The following SH2B1 variants were observed in gnomAD, a reference collection of about 807,000 sequenced individuals.
SH2B1 encodes the protein SH2B adapter protein 1.
Under a neutral mutation model 62.6 loss-of-function variants are expected in SH2B1, and 15 were observed. The observed-to-expected ratio is 0.24, with a 90% CI of 0.16 to 0.37. The LOEUF (loss-of-function observed/expected upper bound fraction) is 0.37. SH2B1 is among the 10% of genes least tolerant of loss of function. The pLI, the probability that SH2B1 is intolerant of heterozygous loss-of-function variation, is 1.00. For missense variants in SH2B1, 925 were observed against 1,015.6 expected (o/e 0.91, Z 1.21); for synonymous variants, 443 against 438.0 (o/e 1.01, Z -0.14).
intron 3 of SH2B1, 54 bp downstream of exon 3, chr16:28,869,151 C>G (rs930190995): frequency 2.4e-4 from 390 of 1,613,396 alleles, no homozygotes; most frequent in Middle Eastern, 4.9e-4. Flanking sequence ...TGGGGAGCAG[C>G]CTTGCGCCTC....
At chr16:28,868,170 C>T (rs909750691) in intron 2 of SH2B1, among the ~76,000 whole-genome samples, 9 of 143,330 alleles carry the variant, frequency 6.3e-5, no homozygotes, top group Non-Finnish European at 7.6e-5. Flanking sequence ...GACAGAGTCT[C>T]GCTCTGTCGC....
rs929158757 is a variant in SH2B1, at chr16:28,865,579, G to A, written c.-516G>A. ...GAGTTCTGAAACTTTTCTGAGCTTC[G>A]GTTTCCTCATCTGTTCGAGAGGTCT... On this transcript the variant is annotated 5_prime_UTR_variant, in exon 1 of 8. Coordinates refer to ENST00000684370, the MANE Select transcript of SH2B1 (RefSeq NM_001387430.1). 3.6e-5 allele frequency: 35 copies of A among 985,652 alleles called. No homozygotes were observed. The highest frequency in any genetic ancestry group is 1.1e-4 in the East Asian group (1 of 8,900). The allele number at this position is 985,652 out of a possible 1,614,324, so 61.1% of individuals were successfully genotyped here.
chr16:28,858,385 T>C (rs540005849), intron 1 of SH2B1, among the ~76,000 whole-genome samples: 182 of 152,236 alleles, frequency 1.2e-3, no homozygotes, highest in Non-Finnish European at 2.2e-3. Context: ...TGGTGGCCCA[T>C]GCCTGCAATC....
intron 1 of SH2B1, among the ~76,000 whole-genome samples, chr16:28,855,724 C>T (rs1346092616): frequency 6.6e-6 from 1 of 151,060 alleles, no homozygotes; most frequent in East Asian, 2.0e-4. Context: ...ACTGCAAGCT[C>T]CGTCTCCTGG....
chr16:28,854,497 T>C (rs551082896), intron 1 of SH2B1, among the ~76,000 whole-genome samples: 1 of 152,090 alleles, frequency 6.6e-6, no homozygotes, highest in Admixed American at 6.6e-5. Context: ...CATGCCTGTA[T>C]GTAATCCCAG....
Position 28,865,660 on chromosome 16 carries a change from A to T in SH2B1, c.-435A>T. On this transcript the variant is annotated 5_prime_UTR_variant, in exon 1 of 8. The change abolishes an upstream ATG in the 5' untranslated region. Coordinates refer to ENST00000684370, the MANE Select transcript of SH2B1 (RefSeq NM_001387430.1). The stretch of plus-strand genomic sequence containing the variant: ...CAAGTGGGAGCCTCTAGAATGGCTC[A>T]TGGGAAGTGTGACATGAATATTGGA... 2 of 994,258 alleles carry T rather than the reference A, an allele frequency of 2.0e-6. No individual in the cohort carries two copies. The highest frequency in any genetic ancestry group is 2.4e-6 in the Non-Finnish European group (2 of 836,366). 61.6% of individuals were successfully genotyped at this position (994,258 alleles called of 1,614,324 possible). A position where few individuals can be genotyped will look rare whatever the true frequency, so the allele number is the denominator to read the frequency against.
At position 28,866,469 on chromosome 16, in the gene SH2B1, A is replaced by G. The variant is rs143095244; in HGVS notation, c.375A>G (p.Ser125=). ...GPLAVLGPSR[S]SEDLAGPLPS... ...TGGCTGTGCTGGGCCCTTCTCGATC[A>G]TCTGAGGACCTGGCCGGCCCCCTCC... Residue 125 remains serine (S), a synonymous_variant, in exon 1 of 8, where the codon TCA becomes TCG. Transcript: ENST00000684370. This position sits in a 1 kb window ranked among gnomAD's most constrained non-coding sequence, Gnocchi z 6.3. 6.6e-5 allele frequency: 106 copies of G among 1,613,768 alleles called. No individual in the cohort carries two copies. The African/African-American group carries it at 1.4e-3, about 21-fold the overall frequency.
In SH2B1 at chr16:28,865,870, G is replaced by A; in HGVS notation, c.-225G>A. On this transcript the variant is annotated 5_prime_UTR_variant, in exon 1 of 8. Coordinates refer to ENST00000684370, the MANE Select transcript of SH2B1 (RefSeq NM_001387430.1). ...GCAGGGTGCCAGGATCTGGGAGAGG[G>A]AAGGGAGGTGTTGGGCTCCCTTCCC... is the stretch of plus-strand genomic sequence containing the variant. 1 of 1,331,820 alleles carries A rather than the reference G, an allele frequency of 7.5e-7. No homozygotes were observed. The highest frequency in any genetic ancestry group is 9.6e-7 in the Non-Finnish European group (1 of 1,045,366). 82.5% of individuals were successfully genotyped at this position (1,331,820 alleles called of 1,614,324 possible).
intron 1 of SH2B1, among the ~76,000 whole-genome samples, chr16:28,853,646 C>T (rs1008477857): frequency 6.6e-5 from 10 of 151,278 alleles, no homozygotes; most frequent in African/African-American, 2.4e-4. Flanking sequence ...TGAACCATCA[C>T]GCCCAGCCCC....
At chr16:28,851,088 C>T (rs1410587555) in intron 1 of SH2B1, among the ~76,000 whole-genome samples, 6 of 149,414 alleles carry the variant, frequency 4.0e-5, no homozygotes, top group African/African-American at 1.2e-4. Context: ...GTGGGAGACT[C>T]GCTCGAACCT....
intron 1 of SH2B1, among the ~76,000 whole-genome samples, chr16:28,852,826 A>ATAATT (rs1386451041): frequency 1.2e-4 from 5 of 40,576 alleles, no homozygotes; most frequent in African/African-American, 6.8e-4. Flanking sequence ...TTACATATAT[A>ATAATT]TTTATATATA....
Position 28,866,617 on chromosome 16 carries a change from A to T in SH2B1, c.523A>T (p.Thr175Ser), listed in dbSNP as rs181294111. ...SVRGILQWRGTVDPPSSAGPL... is the reference protein window; with the variant it reads ...SVRGILQWRGSVDPPSSAGPL... ...CCGTGGCATCCTGCAGTGGCGGGGGACCGTTGACCCTCCCTCCTCCGCTGG... is the reference window on the plus strand; with the variant it reads ...CCGTGGCATCCTGCAGTGGCGGGGGTCCGTTGACCCTCCCTCCTCCGCTGG... Residue 175 changes from threonine (T) to serine (S), a missense_variant, in exon 1 of 8, where the codon ACC (threonine) becomes TCC (serine). Transcript: ENST00000684370. The surrounding 1 kb of genome is among the most constrained non-coding windows in gnomAD (Gnocchi z 6.3). 1 of 1,609,162 alleles carries T rather than the reference A, an allele frequency of 6.2e-7. No individual in the cohort carries two copies. The highest frequency in any genetic ancestry group is 1.1e-5 in the South Asian group (1 of 90,790).
chr16:28,852,373 T>TACA lies in SH2B1; in HGVS notation c.-301+5546_-301+5547insACA, dbSNP rs1596609733. ...ATATTTATATATATATTTATATATATTTACATATATTTATATATATACATA... is the reference window on the plus strand; with the variant it reads ...ATATTTATATATATATTTATATATATACATTACATATATTTATATATATACATA... On this transcript the variant is annotated intron_variant, in intron 1 of 10. Coordinates refer to the SH2B1 transcript ENST00000322610. 6.0e-5 allele frequency among the ~76,000 whole-genome samples: 5 copies of TACA among 83,828 alleles called. 1 individual carries two copies. The highest frequency in any genetic ancestry group is 3.1e-4 in the African/African-American group (5 of 16,176). The allele number at this position is 83,828 out of a possible 152,430, so 55.0% of individuals were successfully genotyped here.
chr16:28,866,143 C>G lies in SH2B1; in HGVS notation c.49C>G (p.Pro17Ala), dbSNP rs1962673620. 6.4e-7 allele frequency: 1 copy of G among 1,553,224 alleles called. No individual in the cohort carries two copies. Among genetic ancestry groups the G allele is most frequent in the Non-Finnish European group, 8.7e-7 (1 of 1,150,894 alleles). Residue 17 changes from proline to alanine, a missense_variant, in exon 1 of 8, where the codon CCG becomes GCG. Transcript: ENST00000684370. This position sits in a 1 kb window ranked among gnomAD's most constrained non-coding sequence, Gnocchi z 6.3. ...GGACGGGGCCTCCCCCTCGTCTCCC[C>G]CGCTGCCCCCACCCCCGCCCCCTAG... ...PEDGASPSSP[P>A]LPPPPPPSWR...
rs1193445773 is a variant in SH2B1 at position 28,865,699 on chromosome 16, A to G, written c.-396A>G. The G allele has an allele frequency of 4.0e-6, 4 of 1,012,370 alleles. No individual in the cohort carries two copies. The highest frequency in any genetic ancestry group is 4.7e-6 in the Non-Finnish European group (4 of 848,544). The allele number at this position is 1,012,370 out of a possible 1,614,324, so 62.7% of individuals were successfully genotyped here. A position where few individuals can be genotyped will look rare whatever the true frequency, so the allele number is the denominator to read the frequency against. On this transcript the variant is annotated 5_prime_UTR_variant, in exon 1 of 8. Transcript: ENST00000684370. Reference sequence around the variant, plus strand: ...ATGAATATTGGAGGATCCGATGTAGAGGGGGGGTGATCTGGAAAAGTTCCC... The same window carrying G: ...ATGAATATTGGAGGATCCGATGTAGGGGGGGGGTGATCTGGAAAAGTTCCC...
chr16:28,873,172 C>CGGGAGCAGGCT lies in SH2B1; in HGVS notation c.1898-268_1898-258dup. On this transcript the variant is annotated intron_variant, in intron 7 of 7. Transcript: ENST00000684370. This position sits in a 1 kb window ranked among gnomAD's most constrained non-coding sequence, Gnocchi z 4.2. ...CCCCACGTTGCCCCTCCCCCCAGGC[C>CGGGAGCAGGCT]GGGAGCAGGCTGGGAGCCATGCGGG... The CGGGAGCAGGCT allele has an allele frequency of 6.4e-7, 1 of 1,562,940 alleles. No homozygotes were observed. The highest frequency in any genetic ancestry group is 8.6e-7 in the Non-Finnish European group (1 of 1,162,162).
In SH2B1 at chr16:28,865,716, A is replaced by G; in HGVS notation, c.-379A>G. ...CGATGTAGAGGGGGGGTGATCTGGA[A>G]AAGTTCCCTTTTTTAGGGGGAAGGT... is the stretch of plus-strand genomic sequence containing the variant. On this transcript the variant is annotated 5_prime_UTR_variant, in exon 1 of 8. Coordinates refer to ENST00000684370, the MANE Select transcript of SH2B1 (RefSeq NM_001387430.1). 1 of 1,023,330 alleles carries G rather than the reference A, an allele frequency of 9.8e-7. No individual in the cohort carries two copies. The highest frequency in any genetic ancestry group is 1.2e-6 in the Non-Finnish European group (1 of 855,656). 63.4% of individuals were successfully genotyped at this position (1,023,330 alleles called of 1,614,324 possible). A position where few individuals can be genotyped will look rare whatever the true frequency, so the allele number is the denominator to read the frequency against.
In SH2B1 at chr16:28,865,352, C is replaced by T. The variant is rs896761970; in HGVS notation, c.-743C>T. The T allele has an allele frequency of 4.1e-6, 4 of 985,652 alleles. No homozygotes were observed. The highest frequency in any genetic ancestry group is 4.8e-6 in the Non-Finnish European group (4 of 830,000). The allele number at this position is 985,652 out of a possible 1,614,324, so 61.1% of individuals were successfully genotyped here. A position where few individuals can be genotyped will look rare whatever the true frequency, so the allele number is the denominator to read the frequency against. Reference sequence around the variant, plus strand: ...CTTTCAAGACAATTACTGTTTTGGTCCATCATGCATCCATCCTCATTAATG... The same window carrying T: ...CTTTCAAGACAATTACTGTTTTGGTTCATCATGCATCCATCCTCATTAATG... On this transcript the variant is annotated 5_prime_UTR_variant, in exon 1 of 8. Transcript: ENST00000684370.
At chr16:28,848,745 C>T (rs1322053698) in intron 1 of SH2B1, among the ~76,000 whole-genome samples, 1 of 147,570 alleles carries the variant, frequency 6.8e-6, no homozygotes, top group South Asian at 2.2e-4. Flanking sequence ...GATCTCGGCT[C>T]ACTGCAACCT....
Sources: gnomAD v4.1 joint callset for allele counts (sites outside exome capture counted in the v4.1 genomes callset) on GRCh38, gnomAD v4.1.1 for gene constraint, Gnocchi (gnomAD v3.1) non-coding constraint, MANE v1.5 for transcripts, NCBI Gene and HGNC (gene_info 2026-07-23, HGNC 2026-07-21) for gene names.